PRSS3: variants seen among roughly 807,000 people sequenced by gnomAD.
The protein encoded by PRSS3 is trypsin-3.
A neutral mutation model predicts 20.8 loss-of-function variants in PRSS3; 14 were observed. The observed-to-expected ratio is 0.67, with a 90% CI of 0.44 to 1.05. PRSS3 has a LOEUF of 1.05. Among genes scored for constraint, PRSS3 ranks in the 50% least tolerant of loss-of-function variants. The pLI, the probability that PRSS3 is intolerant of heterozygous loss-of-function variation, is 0.00. For synonymous variants in PRSS3, 91 were observed against 117.6 expected (o/e 0.77, Z 1.46); for missense variants, 237 against 306.4 (o/e 0.77, Z 1.69).
At chr9:33,778,846 C>G (rs1002279587) in intron 1 of PRSS3, among the ~76,000 whole-genome samples, 1 of 152,178 alleles carries the variant, frequency 6.6e-6, no homozygotes, top group East Asian at 1.9e-4. Context: ...CTCTCTCCCC[C>G]ACCCACCTCA....
At chr9:33,751,442 C>A (rs1164677533) in intron 1 of PRSS3, among the ~76,000 whole-genome samples, 3 of 152,178 alleles carry the variant, frequency 2.0e-5, no homozygotes, top group Non-Finnish European at 4.4e-5. Flanking sequence ...AGAGAAACAA[C>A]CTCTGAAGCT....
chr9:33,776,351 A>C (rs1309716241), intron 1 of PRSS3, among the ~76,000 whole-genome samples: 5 of 152,230 alleles, frequency 3.3e-5, no homozygotes, highest in African/African-American at 1.2e-4. Flanking sequence ...GGGAGAGAAA[A>C]AAATATTGAT....
At chr9:33,751,091 T>C (rs920432022) in intron 1 of PRSS3, among the ~76,000 whole-genome samples, 1 of 152,076 alleles carries the variant, frequency 6.6e-6, no homozygotes, top group Non-Finnish European at 1.5e-5. Flanking sequence ...GTCTGCCGCG[T>C]TGCAGGGTGA....
chr9:33,750,706 G>A lies in PRSS3; in HGVS notation c.-74G>A. ...TTGGCGAGCGGCGCGGGATGCAGACGGCTGCGAGGCGCTGGGCACAGGTCA... is the reference window on the plus strand; with the variant it reads ...TTGGCGAGCGGCGCGGGATGCAGACAGCTGCGAGGCGCTGGGCACAGGTCA... On this transcript the variant is annotated 5_prime_UTR_variant, in exon 1 of 6. Transcript: ENST00000342836. This position sits in a 1 kb window ranked among gnomAD's most constrained non-coding sequence, Gnocchi z 4.8. 1 of 1,447,814 alleles carries A rather than the reference G, an allele frequency of 6.9e-7. No individual in the cohort carries two copies. Among genetic ancestry groups the A allele is most frequent in the Non-Finnish European group, 9.0e-7 (1 of 1,106,094 alleles). 89.7% of individuals were successfully genotyped at this position (1,447,814 alleles called of 1,614,324 possible). A position where few individuals can be genotyped will look rare whatever the true frequency, so the allele number is the denominator to read the frequency against.
intron 1 of PRSS3, among the ~76,000 whole-genome samples, chr9:33,760,619 G>A (rs575756067): frequency 3.3e-5 from 5 of 151,796 alleles, no homozygotes; most frequent in Admixed American, 2.0e-4. Context: ...GGTGGCGGGC[G>A]TCTATAGTCC....
chr9:33,751,443 C>T (rs1173261216), intron 1 of PRSS3, among the ~76,000 whole-genome samples: 9 of 152,206 alleles, frequency 5.9e-5, no homozygotes, highest in Non-Finnish European at 1.3e-4. Context: ...GAGAAACAAC[C>T]TCTGAAGCTT....
At chr9:33,787,673 G>C (rs903369060) in intron 1 of PRSS3, among the ~76,000 whole-genome samples, 1 of 152,208 alleles carries the variant, frequency 6.6e-6, no homozygotes, top group African/African-American at 2.4e-5. Context: ...AGACTAAGCA[G>C]ACCCAGTTGC....
rs559648465 is a variant in PRSS3 at position 33,765,790 on chromosome 9, G to A, written c.-53+15063G>A. The stretch of plus-strand genomic sequence containing the variant: ...TTGACTGCAGGTAACTGAAACTGCA[G>A]AAAGCAAATCCATGGATAAGGGGAG... On this transcript the variant is annotated intron_variant, in intron 1 of 5. Coordinates refer to the PRSS3 transcript ENST00000342836. 5.3e-5 allele frequency among the ~76,000 whole-genome samples: 8 copies of A among 152,326 alleles called. 1 individual carries two copies. In the East Asian group the frequency reaches 1.2e-3, roughly 22 times the overall value.
At position 33,750,868 on chromosome 9, in the gene PRSS3, G is replaced by C; in HGVS notation, c.-53+141G>C. 7.3e-7 allele frequency: 1 copy of C among 1,378,364 alleles called. No homozygotes were observed. The highest frequency in any genetic ancestry group is 1.5e-5 in the African/African-American group (1 of 65,446). 85.4% of individuals were successfully genotyped at this position (1,378,364 alleles called of 1,614,324 possible). ...GCGGGGGAGGGTACGCGGACAGGGA[G>C]GGGATACCGACTGGGAGGGGCTCAG... On this transcript the variant is annotated intron_variant, in intron 1 of 5. Coordinates refer to the PRSS3 transcript ENST00000342836. The surrounding 1 kb of genome is among the most constrained non-coding windows in gnomAD (Gnocchi z 4.8).
At chr9:33,757,968 A>T (rs1563955958) in intron 1 of PRSS3, among the ~76,000 whole-genome samples, 1 of 152,186 alleles carries the variant, frequency 6.6e-6, no homozygotes, top group African/African-American at 2.4e-5. Context: ...AAACTCCCAT[A>T]TCACCTTACT....
At chr9:33,764,982 A>G in intron 1 of PRSS3, among the ~76,000 whole-genome samples, 1 of 152,278 alleles carries the variant, frequency 6.6e-6, no homozygotes, top group East Asian at 1.9e-4. Flanking sequence ...GCTAAATGAA[A>G]AAAGACATAA....
At chr9:33,790,004 A>G (rs931742217) in intron 1 of PRSS3, among the ~76,000 whole-genome samples, 1 of 152,238 alleles carries the variant, frequency 6.6e-6, no homozygotes, top group Non-Finnish European at 1.5e-5. Context: ...TAAAAAGCAC[A>G]CAGAGACAAA....
Position 33,771,637 on chromosome 9 carries a change from G to GTT in PRSS3, c.-53+20916_-53+20917dup, listed in dbSNP as rs1183738501. Among the ~76,000 whole-genome samples the GTT allele has an allele frequency of 4.7e-4, 41 of 87,970 alleles. 1 individual carries two copies. Among genetic ancestry groups the GTT allele is most frequent in the Non-Finnish European group, 6.9e-4 (29 of 41,964 alleles). The allele number at this position is 87,970 out of a possible 152,430, so 57.7% of individuals were successfully genotyped here. ...CCACTGCACTGGGTTTTGTTTTTTT[G>GTT]TTTTTTTGTTTTTTTTTTTTTTGAG... On this transcript the variant is annotated intron_variant, in intron 1 of 5. Coordinates refer to the PRSS3 transcript ENST00000342836.
At chr9:33,764,720 A>C (rs1013592243) in intron 1 of PRSS3, among the ~76,000 whole-genome samples, 4 of 152,224 alleles carry the variant, frequency 2.6e-5, no homozygotes, top group Non-Finnish European at 4.4e-5. Flanking sequence ...TCTGTGCTTC[A>C]AGGACAGCAT....
chr9:33,771,631 T>G (rs1339414816), intron 1 of PRSS3, among the ~76,000 whole-genome samples: 1 of 120,242 alleles, frequency 8.3e-6, no homozygotes. Context: ...TGGGTTTTGT[T>G]TTTTTGTTTT....
intron 1 of PRSS3, among the ~76,000 whole-genome samples, chr9:33,778,203 T>C (rs1051116812): frequency 1.3e-5 from 2 of 152,142 alleles, no homozygotes; most frequent in Non-Finnish European, 2.9e-5. Flanking sequence ...TTCAATCTAA[T>C]AAAGGCACCT....
intron 1 of PRSS3, among the ~76,000 whole-genome samples, chr9:33,781,291 A>G (rs762452195): frequency 5.9e-5 from 9 of 152,238 alleles, no homozygotes; most frequent in Non-Finnish European, 1.2e-4. Flanking sequence ...CGAGGTGCCC[A>G]TCAATGATGG....
At chr9:33,798,141 C>T in intron 3 of PRSS3, 59 bp downstream of exon 3, 5 of 1,610,140 alleles carry the variant, frequency 3.1e-6, no homozygotes, top group Non-Finnish European at 4.2e-6. Flanking sequence ...CAGAACGAAG[C>T]ATGCCCCTTT....
At chr9:33,796,875 G>T (rs1218956731) in intron 2 of PRSS3, 73 bp downstream of exon 2, 6 of 1,610,630 alleles carry the variant, frequency 3.7e-6, no homozygotes. Flanking sequence ...GCCCAGGGAA[G>T]TACTGAGGTT....
Sources: gnomAD v4.1 joint callset for allele counts (sites outside exome capture counted in the v4.1 genomes callset) on GRCh38, gnomAD v4.1.1 for gene constraint, Gnocchi (gnomAD v3.1) non-coding constraint, MANE v1.5 for transcripts, NCBI Gene and HGNC (gene_info 2026-07-23, HGNC 2026-07-21) for gene names.